APLP2: variants seen among roughly 807,000 people sequenced by gnomAD.
APLP2 encodes CDEI box-binding protein.
A neutral mutation model predicts 89.9 loss-of-function variants in APLP2; 53 were observed. The observed-to-expected ratio is 0.59, with a 90% CI of 0.47 to 0.74. The LOEUF (loss-of-function observed/expected upper bound fraction) is 0.74, where lower values mean the gene tolerates loss of function less well. Ranked by LOEUF, APLP2 falls within the 30% of genes least tolerant of loss-of-function variation. The probability of loss-of-function intolerance (pLI) is 0.00; values close to 1 mark genes in which losing one functional copy is unlikely to be tolerated. For synonymous variants in APLP2, 372 were observed against 348.6 expected (o/e 1.07, Z -0.75); for missense variants, 973 against 975.9 (o/e 1.00, Z 0.04).
chr11:130,086,235 T>C (rs765208058), intron 1 of APLP2, among the ~76,000 whole-genome samples: 1 of 152,236 alleles, frequency 6.6e-6, no homozygotes, highest in Non-Finnish European at 1.5e-5. Flanking sequence ...GCTATCCTAA[T>C]GGGCGTGGAG....
intron 3 of APLP2, among the ~76,000 whole-genome samples, chr11:130,119,464 C>T (rs764454936): frequency 6.6e-6 from 1 of 152,196 alleles, no homozygotes; most frequent in Non-Finnish European, 1.5e-5. Flanking sequence ...TACCGTTCAC[C>T]CTCACGTACT....
At chr11:130,091,857 C>A (rs866961739) in intron 1 of APLP2, among the ~76,000 whole-genome samples, 4 of 143,218 alleles carry the variant, frequency 2.8e-5, no homozygotes, top group Admixed American at 6.7e-5. Flanking sequence ...GGGTGGCTGC[C>A]GGGTGGAGAC....
chr11:130,126,280 A>G (rs776743630), intron 7 of APLP2, among the ~76,000 whole-genome samples: 2 of 152,222 alleles, frequency 1.3e-5, no homozygotes, highest in Non-Finnish European at 2.9e-5. Context: ...CTTTAAAAAT[A>G]AGGAATTGCA....
At chr11:130,091,129 C>A (rs1255936399) in intron 1 of APLP2, among the ~76,000 whole-genome samples, 1 of 141,768 alleles carries the variant, frequency 7.1e-6, no homozygotes, top group African/African-American at 2.7e-5. Flanking sequence ...GGCGGCTGGC[C>A]GGGCAGAGGG....
chr11:130,133,147 G>A (rs1591841697), intron 11 of APLP2, among the ~76,000 whole-genome samples: 1 of 150,096 alleles, frequency 6.7e-6, no homozygotes, highest in South Asian at 2.1e-4. Flanking sequence ...TTTTAAGACA[G>A]GATCTTGCTC....
chr11:130,138,467 T>C (rs1037372857), intron 13 of APLP2, among the ~76,000 whole-genome samples: 1 of 152,166 alleles, frequency 6.6e-6, no homozygotes, highest in African/African-American at 2.4e-5. Flanking sequence ...TGAACTGTTA[T>C]GAGTTGGGAC....
intron 1 of APLP2, among the ~76,000 whole-genome samples, chr11:130,091,171 A>T (rs1945025326): frequency 3.2e-5 from 4 of 123,524 alleles, no homozygotes; most frequent in African/African-American, 6.4e-5. Flanking sequence ...GCGGCCGGGC[A>T]GAGGCGCCCC....
chr11:130,137,704 T>C (rs1951797939), intron 13 of APLP2, among the ~76,000 whole-genome samples: 1 of 152,216 alleles, frequency 6.6e-6, no homozygotes, highest in Non-Finnish European at 1.5e-5. Context: ...TCTTTTTCTC[T>C]GCAATTCCCA....
At chr11:130,070,188 G>C in intron 1 of APLP2, 106 bp downstream of exon 1, 2 of 555,578 alleles carry the variant, frequency 3.6e-6, no homozygotes, top group Non-Finnish European at 5.0e-6. Flanking sequence ...GCGGTGCGGC[G>C]CCGGGGGTCC....
Position 130,123,648 on chromosome 11 carries a change from G to A in APLP2, c.959G>A (p.Arg320Gln), listed in dbSNP as rs758428295. The change falls in exon 7 of 17, where the codon CGG becomes CAG. Residue 320 changes from arginine to glutamine, a missense_variant. Physicochemically the swap from Arg to Gln is conservative, Grantham distance 43. Coordinates refer to ENST00000338167, the MANE Select transcript of APLP2 (RefSeq NM_001142276.2). The surrounding 1 kb of genome is among the most constrained non-coding windows in gnomAD (Gnocchi z 4.0). ...CAGGAGGCGATGACGGGGCCCTGCCGGGCCGTGATGCCTCGTTGGTACTTC... is the reference window on the plus strand; with the variant it reads ...CAGGAGGCGATGACGGGGCCCTGCCAGGCCGTGATGCCTCGTTGGTACTTC... ...CSQEAMTGPC[R>Q]AVMPRWYFDL... 49 of 1,614,254 alleles carry A rather than the reference G, an allele frequency of 3.0e-5. No homozygotes were observed. The Middle Eastern group carries it at 1.2e-3, about 38-fold the overall frequency.
intron 10 of APLP2, among the ~76,000 whole-genome samples, chr11:130,129,560 G>C (rs1950707802): frequency 1.3e-5 from 2 of 152,314 alleles, no homozygotes; most frequent in South Asian, 4.1e-4. Context: ...ATAAGATTAT[G>C]AAGAAAGGGG....
rs765497695 is a variant in APLP2, at chr11:130,135,524, C to T, written c.1685-39C>T. 3.1e-6 allele frequency: 5 copies of T among 1,607,322 alleles called. No homozygotes were observed. In the South Asian group the frequency reaches 4.4e-5, roughly 14 times the overall value. On this transcript the variant is annotated intron_variant, in intron 12 of 16. Coordinates refer to ENST00000338167, the MANE Select transcript of APLP2 (RefSeq NM_001142276.2). The stretch of plus-strand genomic sequence containing the variant: ...TCCTGTGCCTGGACACCAGGCCCTT[C>T]TGAAGCCTGCTTTCTGTCCCCTGCC...
At chr11:130,098,430 T>C (rs1946497661) in intron 1 of APLP2, among the ~76,000 whole-genome samples, 1 of 151,802 alleles carries the variant, frequency 6.6e-6, no homozygotes, top group Non-Finnish European at 1.5e-5. Context: ...ATGTTTTCAG[T>C]TGCATGAATT....
At chr11:130,070,720 G>C in intron 1 of APLP2, 1 of 1,470,368 alleles carries the variant, frequency 6.8e-7, no homozygotes, top group Non-Finnish European at 9.0e-7. Context: ...GTTTGCCTGC[G>C]TCCGTAGACC....
chr11:130,139,049 G>A (rs1000898015), intron 13 of APLP2: 1 of 152,184 alleles, frequency 6.6e-6, no homozygotes, highest in African/African-American at 2.4e-5. Flanking sequence ...CCTTGCTGAG[G>A]CAATACCCTT....
intron 3 of APLP2, among the ~76,000 whole-genome samples, chr11:130,119,601 C>G (rs915224757): frequency 2.0e-5 from 3 of 152,194 alleles, no homozygotes; most frequent in Admixed American, 2.0e-4. Flanking sequence ...AAATAAACAG[C>G]TATGTGTATC....
At chr11:130,126,367 T>C (rs757402468) in intron 7 of APLP2, among the ~76,000 whole-genome samples, 2 of 152,226 alleles carry the variant, frequency 1.3e-5, no homozygotes, top group Non-Finnish European at 2.9e-5. Flanking sequence ...AAGGTAGCTA[T>C]TGTTTAGGTT....
rs756337038 is a variant in APLP2, at chr11:130,141,541, C to T, written c.1967C>T (p.Ala656Val). The T allele has an allele frequency of 7.4e-6, 12 of 1,613,846 alleles. No homozygotes were observed. Among genetic ancestry groups the T allele is most frequent in the Middle Eastern group, 1.6e-4 (1 of 6,078 alleles). Residue 656 changes from alanine to valine, a missense_variant, in exon 15 of 17, where the codon GCC becomes GTC. Coordinates refer to ENST00000338167, the MANE Select transcript of APLP2 (RefSeq NM_001142276.2). This position sits in a 1 kb window ranked among gnomAD's most constrained non-coding sequence, Gnocchi z 4.2. ...TLDVKEMIFN[A>V]ERVGGLEEER... ...GATGTTAAGGAAATGATTTTCAATGCCGAGAGAGTTGGAGGCCTCGAGGAA... is the reference window on the plus strand; with the variant it reads ...GATGTTAAGGAAATGATTTTCAATGTCGAGAGAGTTGGAGGCCTCGAGGAA...
At position 130,093,710 on chromosome 11, in the gene APLP2, C is replaced by G. The variant is rs192270732; in HGVS notation, c.106-15719C>G. 2.6e-5 allele frequency among the ~76,000 whole-genome samples: 4 copies of G among 152,162 alleles called. 1 individual carries two copies. Among genetic ancestry groups the G allele is most frequent in the Non-Finnish European group, 5.9e-5 (4 of 68,008 alleles). ...CATGTTAGGTTGAAAGTTCAGAATA[C>G]CAGAGATTGGGAAAATCTTGGAACT... On this transcript the variant is annotated intron_variant, in intron 1 of 16. Coordinates refer to ENST00000338167, the MANE Select transcript of APLP2 (RefSeq NM_001142276.2).
Sources: gnomAD v4.1 joint callset for allele counts (sites outside exome capture counted in the v4.1 genomes callset) on GRCh38, gnomAD v4.1.1 for gene constraint, Gnocchi (gnomAD v3.1) non-coding constraint, MANE v1.5 for transcripts, NCBI Gene and HGNC (gene_info 2026-07-23, HGNC 2026-07-21) for gene names.